Variants in APBB2 observed in about 807,000 individuals in gnomAD.
The protein encoded by APBB2 is amyloid beta precursor protein binding family B member 2, also known as Fe65-like 1.
A neutral mutation model predicts 82.5 loss-of-function variants in APBB2; 38 were observed. The observed-to-expected ratio is 0.46, with a 90% CI of 0.36 to 0.60. APBB2 has a LOEUF of 0.60. Ranked by LOEUF, APBB2 falls within the 20% of genes least tolerant of loss-of-function variation. APBB2 has a pLI of 0.00. For synonymous variants in APBB2, 341 were observed against 368.2 expected (o/e 0.93, Z 0.85); for missense variants, 772 against 972.3 (o/e 0.79, Z 2.74).
chr4:41,166,592 GA>G (rs1644526882), intron 1 of APBB2, among the ~76,000 whole-genome samples: 2 of 147,874 alleles, frequency 1.4e-5, no homozygotes, highest in African/African-American at 5.0e-5. Context: ...AAAAAAGAAA[GA>G]AAAGAAAAGA....
chr4:41,109,372 C>A (rs1234966907), intron 2 of APBB2, among the ~76,000 whole-genome samples: 1 of 151,978 alleles, frequency 6.6e-6, no homozygotes, highest in African/African-American at 2.4e-5. Flanking sequence ...CTCACTGCAA[C>A]TTCCACCTCC....
At chr4:40,902,911 C>T (rs977089525) in intron 10 of APBB2, among the ~76,000 whole-genome samples, 1 of 152,184 alleles carries the variant, frequency 6.6e-6, no homozygotes, top group Non-Finnish European at 1.5e-5. Flanking sequence ...GAGGCTGACG[C>T]AGGAGGATCA....
At chr4:41,040,982 G>A (rs1721176036) in intron 4 of APBB2, among the ~76,000 whole-genome samples, 2 of 152,032 alleles carry the variant, frequency 1.3e-5, no homozygotes, top group South Asian at 2.1e-4. Flanking sequence ...CCGAGTTCAC[G>A]CCATTCTCCT....
chr4:40,839,789 C>T (rs559261869), intron 12 of APBB2, among the ~76,000 whole-genome samples: 7 of 152,088 alleles, frequency 4.6e-5, no homozygotes, highest in African/African-American at 1.4e-4. Context: ...CTCAGCCTCC[C>T]GAGTAGCTGG....
intron 12 of APBB2, chr4:40,881,528 C>A: frequency 3.0e-4 from 43 of 144,734 alleles, no homozygotes; most frequent in Non-Finnish European, 4.6e-4. Flanking sequence ...CTTTTCTTTT[C>A]TTTTTCTTTT....
intron 10 of APBB2, among the ~76,000 whole-genome samples, chr4:40,923,763 T>C (rs1781923645): frequency 6.6e-6 from 1 of 152,168 alleles, no homozygotes; most frequent in Non-Finnish European, 1.5e-5. Flanking sequence ...TAGACAACAA[T>C]GCATCTTGTT....
At chr4:40,890,117 A>C (rs555941036) in intron 12 of APBB2, among the ~76,000 whole-genome samples, 1 of 152,372 alleles carries the variant, frequency 6.6e-6, no homozygotes, top group South Asian at 2.1e-4. Context: ...GAGAAGACAC[A>C]TGCAGAACTA....
At chr4:40,860,971 C>T (rs1762610927) in intron 12 of APBB2, among the ~76,000 whole-genome samples, 1 of 152,220 alleles carries the variant, frequency 6.6e-6, no homozygotes, top group South Asian at 2.1e-4. Flanking sequence ...TCTGGCCCAT[C>T]ACTTTGCTTT....
rs1356393816 is a variant in APBB2, at chr4:40,845,611, A to AC, written c.1530-15035_1530-15034insG. Among the ~76,000 whole-genome samples, 162 of 150,088 alleles carry AC rather than the reference A, an allele frequency of 1.1e-3. 1 individual carries two copies. Among genetic ancestry groups the AC allele is most frequent in the African/African-American group, 3.8e-3 (155 of 40,880 alleles). On this transcript the variant is annotated intron_variant, in intron 12 of 17. Transcript: ENST00000508593. ...CTCAAAAAAAAAAAAAAAAAAAAAAAAAAACCAGCACACCAGAATGACAAT... is the reference window on the plus strand; with the variant it reads ...CTCAAAAAAAAAAAAAAAAAAAAAAACAAAACCAGCACACCAGAATGACAAT...
intron 16 of APBB2, chr4:40,822,265 T>G: frequency 1.8e-6 from 1 of 561,962 alleles, no homozygotes; most frequent in Non-Finnish European, 3.2e-6. Context: ...TGAACTACAC[T>G]GCTGTCATGG....
intron 10 of APBB2, among the ~76,000 whole-genome samples, chr4:40,901,208 AGG>A (rs1003110451): frequency 1.3e-5 from 2 of 152,196 alleles, no homozygotes; most frequent in Admixed American, 6.5e-5. Flanking sequence ...TGGACCTCAT[AGG>A]GTCCTGGCAT....
At chr4:41,097,451 C>T (rs1032983) in intron 3 of APBB2, among the ~76,000 whole-genome samples, 151,892 of 152,360 alleles carry the variant, frequency 1, 75,712 homozygotes, top group Middle Eastern at 1. Flanking sequence ...AAAGCCAGGA[C>T]AGCCCAAAAT....
chr4:40,873,066 C>T (rs1250995011), intron 12 of APBB2, among the ~76,000 whole-genome samples: 2 of 140,682 alleles, frequency 1.4e-5, no homozygotes, highest in East Asian at 2.0e-4. Flanking sequence ...CCAGCCTGGG[C>T]GACAGAGTGA....
Position 40,832,049 on chromosome 4 carries a change from C to CACACACACACAT in APBB2, c.1530-1473_1530-1472insATGTGTGTGTGT, listed in dbSNP as rs34024437. 7.9e-5 allele frequency among the ~76,000 whole-genome samples: 12 copies of CACACACACACAT among 151,630 alleles called. No homozygotes were observed. The highest frequency in any genetic ancestry group is 2.9e-4 in the African/African-American group (12 of 41,342). ...ACACACACACACACACACACACACA[C>CACACACACACAT]ACATATACACCAAGCTTTACCCATC... On this transcript the variant is annotated intron_variant, in intron 12 of 17. Transcript: ENST00000508593. This position sits in a 1 kb window ranked among gnomAD's most constrained non-coding sequence, Gnocchi z 4.8.
At chr4:40,944,744 A>T in intron 7 of APBB2, 121 bp downstream of exon 7, 1 of 921,500 alleles carries the variant, frequency 1.1e-6, no homozygotes, top group South Asian at 1.6e-5. Context: ...TTTCAAATGC[A>T]ACATGCACAA....
chr4:41,123,249 T>G (rs958865693), intron 2 of APBB2, among the ~76,000 whole-genome samples: 1 of 151,818 alleles, frequency 6.6e-6, no homozygotes, highest in Non-Finnish European at 1.5e-5. Flanking sequence ...GGCTGAACAG[T>G]GGCAAGCAGA....
At chr4:41,105,367 T>C (rs560431214) in intron 2 of APBB2, among the ~76,000 whole-genome samples, 47 of 152,238 alleles carry the variant, frequency 3.1e-4, no homozygotes, top group Admixed American at 2.7e-3. Flanking sequence ...TTTTAGCAAA[T>C]AGAAAAGGCA....
At chr4:41,042,633 G>A (rs926442585) in intron 4 of APBB2, among the ~76,000 whole-genome samples, 1 of 151,882 alleles carries the variant, frequency 6.6e-6, no homozygotes, top group Admixed American at 6.6e-5. Flanking sequence ...TGTTGGAAGG[G>A]TGTTGGGAGA....
intron 1 of APBB2, among the ~76,000 whole-genome samples, chr4:41,204,257 C>A (rs1777404190): frequency 6.6e-6 from 1 of 152,206 alleles, no homozygotes; most frequent in South Asian, 2.1e-4. Flanking sequence ...CAGCAAGGAG[C>A]CCCTGAAGAG....
Sources: gnomAD v4.1 joint callset for allele counts (sites outside exome capture counted in the v4.1 genomes callset) on GRCh38, gnomAD v4.1.1 for gene constraint, Gnocchi (gnomAD v3.1) non-coding constraint, MANE v1.5 for transcripts, NCBI Gene and HGNC (gene_info 2026-07-23, HGNC 2026-07-21) for gene names.